PREX2: variants seen among roughly 807,000 people sequenced by gnomAD.
PREX2 encodes the protein phosphatidylinositol 3,4,5-trisphosphate-dependent Rac exchanger 2 protein.
Under a neutral mutation model 203.2 loss-of-function variants are expected in PREX2, and 107 were observed. That is an observed-to-expected ratio of 0.53 (90% CI 0.45 to 0.62). PREX2 has a LOEUF of 0.62. Ranked by LOEUF, PREX2 falls within the 20% of genes least tolerant of loss-of-function variation. PREX2 has a pLI of 0.00. For synonymous variants in PREX2, 672 were observed against 663.6 expected (o/e 1.01, Z -0.19); for missense variants, 1,777 against 1,955.9 (o/e 0.91, Z 1.72).
chr8:68,186,951 A>G (rs930921196), intron 35 of PREX2, among the ~76,000 whole-genome samples: 2 of 152,156 alleles, frequency 1.3e-5, no homozygotes. Context: ...GAAGACTTGT[A>G]TCAAGTCAAT....
intron 13 of PREX2, 126 bp from the exon 14 acceptor site, chr8:68,072,369 C>G (rs1207161233): frequency 5.7e-6 from 3 of 530,164 alleles, no homozygotes; most frequent in Non-Finnish European, 6.6e-6. Context: ...GGGCAACTAA[C>G]TCAGGTTACA....
intron 8 of PREX2, among the ~76,000 whole-genome samples, chr8:68,047,743 C>G (rs1027178515): frequency 6.6e-6 from 1 of 151,056 alleles, no homozygotes; most frequent in African/African-American, 2.4e-5. Flanking sequence ...TTGAATTATG[C>G]AAATCCTGAG....
intron 1 of PREX2, among the ~76,000 whole-genome samples, chr8:68,003,939 C>A (rs939566082): frequency 6.6e-6 from 1 of 150,948 alleles, no homozygotes; most frequent in African/African-American, 2.4e-5. Context: ...ACGTCTGCCT[C>A]CCCCGTTCCA....
chr8:68,093,761 T>C, intron 21 of PREX2, 39 bp downstream of exon 21: 1 of 1,113,894 alleles, frequency 9.0e-7, no homozygotes, highest in African/African-American at 1.5e-5. Flanking sequence ...CTTATAGTAT[T>C]CTTTTCCACT....
Position 68,069,788 on chromosome 8 carries a change from C to T in PREX2, c.1444-47C>T, listed in dbSNP as rs1809140196. ...TTACTTCAAAATTTCATTGAAATGT[C>T]CCTTGGGTAATCTCACTTGTTTTTG... On this transcript the variant is annotated intron_variant, in intron 12 of 39. Transcript: ENST00000288368. The T allele has an allele frequency of 6.7e-6, 6 of 898,742 alleles. No homozygotes were observed. In the East Asian group the frequency reaches 1.3e-4, roughly 20 times the overall value. The allele number at this position is 898,742 out of a possible 1,614,324, so 55.7% of individuals were successfully genotyped here. A position where few individuals can be genotyped will look rare whatever the true frequency, so the allele number is the denominator to read the frequency against.
chr8:68,163,882 C>T lies in PREX2; in HGVS notation c.4346+6446C>T, dbSNP rs958703275. ...ATTGTAAACAATAGCCCTCAGCCAC[C>T]TCCAAAACTGCAGTTCTGCCAGTGA... On this transcript the variant is annotated intron_variant, in intron 35 of 39. Coordinates refer to ENST00000288368, the MANE Select transcript of PREX2 (RefSeq NM_024870.4). Among the ~76,000 whole-genome samples the T allele has an allele frequency of 2.0e-5, 3 of 152,254 alleles. 1 individual carries two copies. Among genetic ancestry groups the T allele is most frequent in the South Asian group, 4.1e-4 (2 of 4,820 alleles).
intron 34 of PREX2, among the ~76,000 whole-genome samples, chr8:68,151,320 G>A (rs1354888801): frequency 2.6e-5 from 4 of 152,006 alleles, no homozygotes; most frequent in East Asian, 1.9e-4. Context: ...GGGAGACTGA[G>A]GTGGAAGGAT....
At chr8:68,047,628 G>A (rs953489380) in intron 8 of PREX2, among the ~76,000 whole-genome samples, 1 of 150,822 alleles carries the variant, frequency 6.6e-6, no homozygotes, top group Non-Finnish European at 1.5e-5. Flanking sequence ...TTGAACCCAT[G>A]ATTCTCTCAA....
chr8:67,967,861 C>G (rs1470758674), intron 1 of PREX2, among the ~76,000 whole-genome samples: 4 of 152,030 alleles, frequency 2.6e-5, no homozygotes, highest in Admixed American at 2.0e-4. Flanking sequence ...TGTTCTCACT[C>G]ATAGGTGGGA....
At chr8:68,104,482 A>T (rs995388497) in intron 23 of PREX2, among the ~76,000 whole-genome samples, 6 of 152,084 alleles carry the variant, frequency 3.9e-5, no homozygotes, top group Non-Finnish European at 7.4e-5. Flanking sequence ...ACCCCTTTCC[A>T]GATGCTCACA....
intron 35 of PREX2, among the ~76,000 whole-genome samples, chr8:68,186,062 A>T (rs1812182777): frequency 8.1e-6 from 1 of 122,950 alleles, no homozygotes; most frequent in African/African-American, 3.3e-5. Flanking sequence ...TCCTGTCCAC[A>T]GTTTGTCAAA....
At chr8:68,013,454 C>A (rs887155030) in intron 1 of PREX2, among the ~76,000 whole-genome samples, 2 of 152,160 alleles carry the variant, frequency 1.3e-5, no homozygotes, top group Non-Finnish European at 2.9e-5. Context: ...TGAGACCCAA[C>A]AGGTCCAGAA....
At chr8:68,099,068 T>C (rs1810182407) in intron 22 of PREX2, among the ~76,000 whole-genome samples, 4 of 150,818 alleles carry the variant, frequency 2.7e-5, no homozygotes, top group African/African-American at 9.8e-5. Context: ...TTGATTCAAA[T>C]AGTCAAAAGA....
rs1808578474 is a variant in PREX2 at position 68,053,309 on chromosome 8, T to C, written c.1093+63T>C. On this transcript the variant is annotated intron_variant, in intron 9 of 39. Coordinates refer to ENST00000288368, the MANE Select transcript of PREX2 (RefSeq NM_024870.4). Reference sequence around the variant, plus strand: ...GACTCTAACTTAGCATAGGAGCAGATAATGGGAAAACATGAGAAAATGGAA... The same window carrying C: ...GACTCTAACTTAGCATAGGAGCAGACAATGGGAAAACATGAGAAAATGGAA... 10 of 1,536,908 alleles carry C rather than the reference T, an allele frequency of 6.5e-6. No homozygotes were observed. In the South Asian group the frequency reaches 1.1e-4, roughly 16 times the overall value.
At chr8:68,151,498 A>G (rs1811434172) in intron 34 of PREX2, among the ~76,000 whole-genome samples, 1 of 152,130 alleles carries the variant, frequency 6.6e-6, no homozygotes, top group Admixed American at 6.6e-5. Flanking sequence ...GTGGGCACAT[A>G]CAAACCTCGA....
chr8:68,006,715 C>A (rs1807109382), intron 1 of PREX2, among the ~76,000 whole-genome samples: 1 of 152,138 alleles, frequency 6.6e-6, no homozygotes, highest in Admixed American at 6.5e-5. Flanking sequence ...TTGCCCTAAA[C>A]CAGATTAATT....
At chr8:68,036,594 GT>G (rs1808039766) in intron 6 of PREX2, among the ~76,000 whole-genome samples, 1 of 148,864 alleles carries the variant, frequency 6.7e-6, no homozygotes, top group African/African-American at 2.6e-5. Flanking sequence ...ATGAAATTCT[GT>G]AATTTTTTTT....
chr8:68,197,062 G>A (rs1167131239), intron 37 of PREX2, among the ~76,000 whole-genome samples: 1 of 152,108 alleles, frequency 6.6e-6, no homozygotes, highest in East Asian at 1.9e-4. Context: ...CTGCTTCCAA[G>A]ATAGTACCTT....
At chr8:67,996,237 C>G (rs893479340) in intron 1 of PREX2, among the ~76,000 whole-genome samples, 4 of 152,044 alleles carry the variant, frequency 2.6e-5, no homozygotes, top group Non-Finnish European at 5.9e-5. Flanking sequence ...GCTCTGTCAG[C>G]CATACTGGAG....
Sources: gnomAD v4.1 joint callset for allele counts (sites outside exome capture counted in the v4.1 genomes callset) on GRCh38, gnomAD v4.1.1 for gene constraint, MANE v1.5 for transcripts, NCBI Gene and HGNC (gene_info 2026-07-23, HGNC 2026-07-21) for gene names.